The following GRHL2 variants were observed in gnomAD, a reference collection of about 807,000 sequenced individuals.
The protein encoded by GRHL2 is grainyhead like transcription factor 2.
GRHL2 carries 21 observed loss-of-function variants against 83.8 expected under a neutral mutation model. The ratio of observed to expected loss-of-function variants is 0.25; its 90% confidence interval spans 0.18 to 0.36. The LOEUF (loss-of-function observed/expected upper bound fraction) is 0.36. GRHL2 is among the 10% of genes least tolerant of loss of function. GRHL2 has a pLI of 1.00. For synonymous variants in GRHL2, 280 were observed against 278.9 expected, an observed-to-expected ratio of 1.00 and a Z score of -0.04; for missense variants, 623 against 781.8, an observed-to-expected ratio of 0.80 and a Z score of 2.42.
chr8:101,503,477 A>C (rs1292712971), intron 1 of GRHL2, among the ~76,000 whole-genome samples: 1 of 152,252 alleles, frequency 6.6e-6, no homozygotes, highest in Non-Finnish European at 1.5e-5. Flanking sequence ...TAAAATTAAC[A>C]AAACCGGGTT....
intron 1 of GRHL2, among the ~76,000 whole-genome samples, chr8:101,527,330 C>A (rs1810829108): frequency 6.6e-6 from 1 of 152,116 alleles, no homozygotes; most frequent in South Asian, 2.1e-4. Context: ...ACGTACAAAG[C>A]AAAATCAACA....
chr8:101,492,995 T>C, intron 1 of GRHL2: 1 of 630,812 alleles, frequency 1.6e-6, no homozygotes, highest in Non-Finnish European at 2.8e-6. Flanking sequence ...ATATTTAATA[T>C]CCCCTTTGGG....
chr8:101,578,850 G>T (rs1449025180), intron 7 of GRHL2, among the ~76,000 whole-genome samples: 1 of 152,162 alleles, frequency 6.6e-6, no homozygotes, highest in African/African-American at 2.4e-5. Context: ...ACTAGGATAG[G>T]GTGAGAGGCT....
chr8:101,640,570 A>G (rs1355346473), intron 12 of GRHL2, among the ~76,000 whole-genome samples: 1 of 152,172 alleles, frequency 6.6e-6, no homozygotes, highest in Non-Finnish European at 1.5e-5. Flanking sequence ...GATAAATTCT[A>G]TTTCCATTAT....
At chr8:101,599,008 T>C (rs749360584) in intron 7 of GRHL2, 49 bp from the exon 8 acceptor site, 15 of 1,275,988 alleles carry the variant, frequency 1.2e-5, no homozygotes, top group African/African-American at 1.0e-4. Context: ...TACATGTCAC[T>C]GAGTCACTCT....
chr8:101,677,528 A>G, the GRHL2 span, among the ~76,000 whole-genome samples: 7 of 722 alleles, frequency 9.7e-3, no homozygotes, highest in Non-Finnish European at 0.022. Flanking sequence ...CTGGTATTGG[A>G]AAAAAAAAAT....
At chr8:101,527,808 T>C (rs1810838204) in intron 1 of GRHL2, among the ~76,000 whole-genome samples, 2 of 152,242 alleles carry the variant, frequency 1.3e-5, no homozygotes, top group Admixed American at 1.3e-4. Context: ...CACACTTTAT[T>C]GATCTTTTGC....
chr8:101,658,672 A>C (rs778602307), intron 14 of GRHL2, among the ~76,000 whole-genome samples: 1 of 152,240 alleles, frequency 6.6e-6, no homozygotes. Flanking sequence ...CCCCAAAAAG[A>C]GAAAACCCAA....
chr8:101,541,341 G>A (rs988528040), intron 1 of GRHL2, among the ~76,000 whole-genome samples: 2 of 151,980 alleles, frequency 1.3e-5, no homozygotes, highest in South Asian at 2.1e-4. Context: ...AATACCTAGC[G>A]ATGGGATTGC....
intron 1 of GRHL2, among the ~76,000 whole-genome samples, chr8:101,523,998 G>A (rs1018358436): frequency 6.6e-6 from 1 of 152,118 alleles, no homozygotes; most frequent in Non-Finnish European, 1.5e-5. Context: ...ATTTGGATTT[G>A]TCTTATGTTT....
chr8:101,580,983 G>A (rs1007737094), intron 7 of GRHL2, among the ~76,000 whole-genome samples: 8 of 152,242 alleles, frequency 5.3e-5, no homozygotes, highest in East Asian at 1.9e-4. Flanking sequence ...GATTATAGGC[G>A]TAAGCCACTG....
chr8:101,592,029 T>A (rs1812294890), intron 7 of GRHL2, among the ~76,000 whole-genome samples: 1 of 151,976 alleles, frequency 6.6e-6, no homozygotes, highest in Non-Finnish European at 1.5e-5. Flanking sequence ...GAAGGGGAAC[T>A]GTCACATGGA....
At chr8:101,570,458 G>A (rs991985429) in intron 5 of GRHL2, 64 bp downstream of exon 5, 15 of 1,283,746 alleles carry the variant, frequency 1.2e-5, no homozygotes, top group East Asian at 4.6e-5. Context: ...ATGTACCTTC[G>A]AGTTATACCT....
chr8:101,577,281 C>A, intron 6 of GRHL2, 127 bp from the exon 7 acceptor site: 2 of 710,516 alleles, frequency 2.8e-6, no homozygotes, highest in Non-Finnish European at 5.1e-6. Flanking sequence ...CCAAGCTTGT[C>A]TGGGCTTTTC....
intron 8 of GRHL2, among the ~76,000 whole-genome samples, chr8:101,613,339 A>C (rs1404103652): frequency 1.3e-5 from 2 of 150,892 alleles, no homozygotes; most frequent in Non-Finnish European, 2.9e-5. Flanking sequence ...AAATTTGAAG[A>C]GTACTTTCTA....
chr8:101,516,295 A>T (rs576252804), intron 1 of GRHL2, among the ~76,000 whole-genome samples: 1 of 152,230 alleles, frequency 6.6e-6, no homozygotes, highest in Non-Finnish European at 1.5e-5. Context: ...AAGTATATTT[A>T]GTTCAAAATA....
intron 7 of GRHL2, among the ~76,000 whole-genome samples, chr8:101,578,099 T>C (rs1811969514): frequency 6.6e-6 from 1 of 152,176 alleles, no homozygotes; most frequent in African/African-American, 2.4e-5. Flanking sequence ...GCCCCCTGGA[T>C]GGCACATCAC....
intron 2 of GRHL2, among the ~76,000 whole-genome samples, chr8:101,546,207 AAT>A (rs1324171350): frequency 2.0e-5 from 3 of 152,154 alleles, no homozygotes; most frequent in Non-Finnish European, 4.4e-5. Flanking sequence ...ATGTTAAATT[AAT>A]ATGTCAGTTA....
At chr8:101,602,934 G>A (rs1410613793) in intron 8 of GRHL2, among the ~76,000 whole-genome samples, 1 of 152,182 alleles carries the variant, frequency 6.6e-6, no homozygotes, top group Non-Finnish European at 1.5e-5. Context: ...CTGGCTCCCT[G>A]GCTCCTTTGG....
Sources: gnomAD v4.1 joint callset for allele counts (sites outside exome capture counted in the v4.1 genomes callset) on GRCh38, gnomAD v4.1.1 for gene constraint, MANE v1.5 for transcripts, NCBI Gene and HGNC (gene_info 2026-07-23, HGNC 2026-07-21) for gene names.